Variants in NAV1 observed in about 807,000 individuals in gnomAD.
NAV1 encodes pore membrane and/or filament interacting like protein 3.
NAV1 carries 18 observed loss-of-function variants against 175.2 expected under a neutral mutation model. That is an observed-to-expected ratio of 0.10 (90% confidence interval 0.07 to 0.15). The LOEUF is 0.15. Among genes scored for constraint, NAV1 ranks in the 10% least tolerant of loss-of-function variants. The pLI, the probability that NAV1 is intolerant of heterozygous loss-of-function variation, is 1.00. For synonymous variants in NAV1, 897 were observed against 978.7 expected (o/e 0.92, Z 1.56); for missense variants, 1,731 against 2,436.6 (o/e 0.71, Z 6.10).
chr1:201,800,633 T>C (rs1271841442), intron 15 of NAV1, among the ~76,000 whole-genome samples: 2 of 152,176 alleles, frequency 1.3e-5, no homozygotes, highest in East Asian at 3.9e-4. Context: ...AGAGGGTATA[T>C]GGTGAAATAT....
exon 1 of NAV1, chr1:201,648,758 C>A (rs1325067943): frequency 7.1e-7 from 1 of 1,402,330 alleles, no homozygotes; most frequent in African/African-American, 1.5e-5. Flanking sequence ...CGCGGGGCGC[C>A]GGCAGGAAGG....
At chr1:201,714,102 G>A (rs901460002) in intron 2 of NAV1, among the ~76,000 whole-genome samples, 2 of 152,110 alleles carry the variant, frequency 1.3e-5, no homozygotes, top group African/African-American at 2.4e-5. Flanking sequence ...GTAGAGATGG[G>A]GTTTCACCAT....
chr1:201,732,248 T>G (rs773165936), intron 3 of NAV1, among the ~76,000 whole-genome samples: 1 of 152,238 alleles, frequency 6.6e-6, no homozygotes, highest in African/African-American at 2.4e-5. Context: ...TAGCTGGGAC[T>G]ACAGGCAAGT....
rs7533172 is a variant in NAV1 at position 201,653,362 on chromosome 1, C to A, written c.757+3937C>A. Among the ~76,000 whole-genome samples the A allele has an allele frequency of 6.3e-3, 958 of 152,322 alleles. 10 individuals carry two copies. The highest frequency in any genetic ancestry group is 0.021 in the African/African-American group (864 of 41,572). On this transcript the variant is annotated intron_variant, in intron 1 of 29. Transcript: ENST00000367296. ...GAACCTGGACTTCCTAGTCCCTCTT[C>A]ATCTCAAAGGTGTCTGGACCCACAC...
At chr1:201,671,168 A>G (rs1409891872) in intron 1 of NAV1, among the ~76,000 whole-genome samples, 1 of 152,170 alleles carries the variant, frequency 6.6e-6, no homozygotes, top group African/African-American at 2.4e-5. Flanking sequence ...CGTGCTGGAT[A>G]CTGTGGAGTT....
Position 201,674,540 on chromosome 1 carries a change from T to G in NAV1, c.757+25115T>G, listed in dbSNP as rs542761879. Among the ~76,000 whole-genome samples the G allele has an allele frequency of 2.4e-4, 37 of 152,272 alleles. No homozygotes were observed. In the Middle Eastern group the frequency reaches 0.01, roughly 42 times the overall value. Reference sequence around the variant, plus strand: ...AAATACCAGAGGCTGGATAATTTATTTAAAAAAGAGGTTTAATTGGCTCAT... The same window carrying G: ...AAATACCAGAGGCTGGATAATTTATGTAAAAAAGAGGTTTAATTGGCTCAT... On this transcript the variant is annotated intron_variant, in intron 1 of 29. Transcript: ENST00000367296.
intron 1 of NAV1, among the ~76,000 whole-genome samples, chr1:201,696,898 C>G (rs1378088623): frequency 6.6e-6 from 1 of 152,214 alleles, no homozygotes; most frequent in Non-Finnish European, 1.5e-5. Context: ...TGTTTCGCAC[C>G]ATGCCTGGCG....
In NAV1 at chr1:201,550,460, C is replaced by T. The variant is rs186885029; in HGVS notation, c.-144+11118C>T. Among the ~76,000 whole-genome samples, 1,139 of 152,290 alleles carry T rather than the reference C, an allele frequency of 7.5e-3. 16 individuals are homozygous for T. Among genetic ancestry groups the T allele is most frequent in the African/African-American group, 0.025 (1,055 of 41,540 alleles). On this transcript the variant is annotated intron_variant, in intron 1 of 33. Coordinates refer to the NAV1 transcript ENST00000685211. ...GCATTCAGATCACAAGGGTGAACCACCATCCTTGGCCTATAATTTCACTTT... is the reference window on the plus strand; with the variant it reads ...GCATTCAGATCACAAGGGTGAACCATCATCCTTGGCCTATAATTTCACTTT...
intron 1 of NAV1, among the ~76,000 whole-genome samples, chr1:201,653,369 A>G (rs1243698005): frequency 6.6e-6 from 1 of 152,154 alleles, no homozygotes; most frequent in Non-Finnish European, 1.5e-5. Flanking sequence ...CTTCATCTCA[A>G]AGGTGTCTGG....
chr1:201,783,378 C>G (rs374871227), intron 6 of NAV1, 28 bp from the exon 11 acceptor site: 1 of 1,601,152 alleles, frequency 6.2e-7, no homozygotes, highest in Non-Finnish European at 8.5e-7. Flanking sequence ...TTCTATTATT[C>G]TAAATATTTC....
At chr1:201,593,296 T>C (rs75628301) in intron 2 of NAV1, among the ~76,000 whole-genome samples, 5,021 of 152,268 alleles carry the variant, frequency 0.033, 272 homozygotes, top group African/African-American at 0.11. Context: ...CAAGTGGGGC[T>C]ACTTGGGTCC....
rs1678539168 is a variant in NAV1 at position 201,809,337 on chromosome 1, G to T, written c.4305+76G>T. The T allele has an allele frequency of 2.5e-6, 4 of 1,591,700 alleles. No homozygotes were observed. In the Admixed American group the frequency reaches 6.7e-5, roughly 27 times the overall value. ...TTTATCCAAGAAAATCTGGACCCTGGGTACCTCCAAAACCAAAGAACTCAA... is the reference window on the plus strand; with the variant it reads ...TTTATCCAAGAAAATCTGGACCCTGTGTACCTCCAAAACCAAAGAACTCAA... On this transcript the variant is annotated intron_variant, in intron 21 of 29. Coordinates refer to ENST00000367296, the Ensembl canonical transcript of NAV1.
chr1:201,711,696 C>A lies in NAV1; in HGVS notation c.758-1121C>A, dbSNP rs983095746. Among the ~76,000 whole-genome samples, 3 of 152,182 alleles carry A rather than the reference C, an allele frequency of 2.0e-5. No homozygotes were observed. In the East Asian group the frequency reaches 5.8e-4, roughly 29 times the overall value. The stretch of plus-strand genomic sequence containing the variant: ...TCCCTGACTCTCTCCTGCAGATTGT[C>A]TTTTAGGGAGGTACTGGGGGACTTG... On this transcript the variant is annotated intron_variant, in intron 1 of 29. Transcript: ENST00000367296.
Position 201,773,032 on chromosome 1 carries a change from CA to C in NAV1, c.1227-7372del, listed in dbSNP as rs5780087. Among the ~76,000 whole-genome samples, 481 of 97,568 alleles carry C rather than the reference CA, an allele frequency of 4.9e-3. 2 individuals carry two copies. The highest frequency in any genetic ancestry group is 7.5e-3 in the East Asian group (27 of 3,586). 64.0% of individuals were successfully genotyped at this position (97,568 alleles called of 152,430 possible). A position where few individuals can be genotyped will look rare whatever the true frequency, so the allele number is the denominator to read the frequency against. ...TGGGCGACAGAGCAAGATTCCATCT[CA>C]AAAAAAAAAAAAAAAATACTAGGAG... On this transcript the variant is annotated intron_variant, in intron 3 of 29. Transcript: ENST00000367296.
chr1:201,734,493 G>GAGGAGAAGAAGAAGAAGAAGAAGA (rs1553261646), intron 3 of NAV1, among the ~76,000 whole-genome samples: 1 of 71,628 alleles, frequency 1.4e-5, no homozygotes, highest in Non-Finnish European at 2.6e-5. Flanking sequence ...GAGGAAGAAG[G>GAGGAGAAGAAGAAGAAGAAGAAGA]AGAAGGAGAA....
chr1:201,613,157 C>T (rs914883864), intron 2 of NAV1, among the ~76,000 whole-genome samples: 5 of 152,142 alleles, frequency 3.3e-5, no homozygotes, highest in Non-Finnish European at 7.3e-5. Context: ...AAGTCATCTT[C>T]ATGTACTCAG....
intron 2 of NAV1, among the ~76,000 whole-genome samples, chr1:201,637,579 A>G (rs1668645611): frequency 6.6e-6 from 1 of 152,188 alleles, no homozygotes; most frequent in South Asian, 2.1e-4. Flanking sequence ...ACAGAGTAAG[A>G]CTATCTCCAA....
In NAV1 at chr1:201,788,447, C is replaced by T; in HGVS notation, c.2996-21C>T. On this transcript the variant is annotated intron_variant, in intron 9 of 29. Coordinates refer to ENST00000367296, the Ensembl canonical transcript of NAV1. The surrounding 1 kb of genome is among the most constrained non-coding windows in gnomAD (Gnocchi z 5.7). ...TGCCCTCCTGCTCCCTCTCCTGTCC[C>T]CCTTCCCTCTGTCCTTCCAGTGAGT... 2.5e-6 allele frequency: 4 copies of T among 1,613,688 alleles called. No individual in the cohort carries two copies. The highest frequency in any genetic ancestry group is 3.4e-6 in the Non-Finnish European group (4 of 1,179,916).
At chr1:201,801,486 A>T (rs1453135318) in intron 15 of NAV1, among the ~76,000 whole-genome samples, 1 of 152,066 alleles carries the variant, frequency 6.6e-6, no homozygotes, top group Non-Finnish European at 1.5e-5. Flanking sequence ...CTCTATTTTT[A>T]AAATATTTTT....
Sources: allele counts gnomAD v4.1 joint callset (sites outside exome capture counted in the v4.1 genomes callset), GRCh38; gene constraint gnomAD v4.1.1; non-coding constraint Gnocchi (gnomAD v3.1); transcripts MANE v1.5; gene names NCBI Gene and HGNC (gene_info 2026-07-23, HGNC 2026-07-21).